UGT8: variants seen among roughly 807,000 people sequenced by gnomAD.
UGT8 encodes the protein 2-hydroxyacylsphingosine 1-beta-galactosyltransferase.
In UGT8, 12 loss-of-function variants were observed where a neutral mutation model predicts 40.5. The observed-to-expected ratio is 0.30, with a 90% CI of 0.19 to 0.48. The LOEUF is 0.48. Among genes scored for constraint, UGT8 ranks in the 20% least tolerant of loss-of-function variants. The probability of loss-of-function intolerance (pLI) is 0.99; values close to 1 mark genes in which losing one functional copy is unlikely to be tolerated. For missense variants in UGT8, 513 were observed against 648.7 expected, an observed-to-expected ratio of 0.79 and a Z score of 2.27; for synonymous variants, 224 against 240.4, an observed-to-expected ratio of 0.93 and a Z score of 0.63.
intron 1 of UGT8, among the ~76,000 whole-genome samples, chr4:114,609,004 A>C (rs1730891094): frequency 6.6e-6 from 1 of 152,272 alleles, no homozygotes; most frequent in Middle Eastern, 3.4e-3. Context: ...TCCTCCTTTG[A>C]TAATTGCTGA....
At chr4:114,662,408 A>T (rs1734596981) in intron 2 of UGT8, among the ~76,000 whole-genome samples, 1 of 152,234 alleles carries the variant, frequency 6.6e-6, no homozygotes, top group African/African-American at 2.4e-5. Flanking sequence ...CAAAATTTGA[A>T]GTACAGTCTC....
chr4:114,655,412 C>T (rs1380778309), intron 2 of UGT8, among the ~76,000 whole-genome samples: 2 of 151,900 alleles, frequency 1.3e-5, no homozygotes, highest in East Asian at 3.9e-4. Context: ...TTATTGGTTA[C>T]AGGGGCTTAT....
chr4:114,660,275 C>T (rs1342724603), intron 2 of UGT8, among the ~76,000 whole-genome samples: 4 of 152,060 alleles, frequency 2.6e-5, no homozygotes. Flanking sequence ...AGGTTCTATT[C>T]TTTAAAATGA....
Position 114,677,338 on chromosome 4 carries a change from G to T in UGT8, c.*1050G>T, listed in dbSNP as rs1004824557. On this transcript the variant is annotated 3_prime_UTR_variant, in exon 6 of 6. Transcript: ENST00000310836. Reference sequence around the variant, plus strand: ...GGGCCATACAATCTATATTACATAGGTGCCAACATTTAATTCTTTTAAATG... The same window carrying T: ...GGGCCATACAATCTATATTACATAGTTGCCAACATTTAATTCTTTTAAATG... 6.6e-6 allele frequency: 1 copy of T among 152,070 alleles called. No individual in the cohort carries two copies. Among genetic ancestry groups the T allele is most frequent in the African/African-American group, 2.4e-5 (1 of 41,382 alleles). 9.4% of individuals were successfully genotyped at this position (152,070 alleles called of 1,614,324 possible).
At chr4:114,636,456 T>G (rs1057441034) in intron 2 of UGT8, among the ~76,000 whole-genome samples, 1 of 152,226 alleles carries the variant, frequency 6.6e-6, no homozygotes, top group Non-Finnish European at 1.5e-5. Flanking sequence ...CAATACCATT[T>G]CTGTTTGAGA....
chr4:114,654,861 A>G (rs981309509), intron 2 of UGT8, among the ~76,000 whole-genome samples: 2 of 152,054 alleles, frequency 1.3e-5, no homozygotes, highest in African/African-American at 4.8e-5. Flanking sequence ...GCACCTCTTG[A>G]TGGGGACTTT....
At chr4:114,608,145 T>G (rs1230388058) in intron 1 of UGT8, among the ~76,000 whole-genome samples, 6 of 152,264 alleles carry the variant, frequency 3.9e-5, no homozygotes, top group Admixed American at 2.6e-4. Context: ...TCCCCCCGCT[T>G]GAGATGTCCT....
At chr4:114,607,269 A>C (rs1000964549) in intron 1 of UGT8, among the ~76,000 whole-genome samples, 1 of 152,178 alleles carries the variant, frequency 6.6e-6, no homozygotes, top group Non-Finnish European at 1.5e-5. Flanking sequence ...CTTGCCTAGA[A>C]CAAGTTTTGG....
chr4:114,651,316 G>A (rs1170487582), intron 2 of UGT8, among the ~76,000 whole-genome samples: 11 of 151,902 alleles, frequency 7.2e-5, no homozygotes, highest in African/African-American at 1.4e-4. Context: ...GACAAGTTAC[G>A]ATTGGCTCTT....
intron 2 of UGT8, among the ~76,000 whole-genome samples, chr4:114,660,550 A>G (rs995234146): frequency 6.6e-6 from 1 of 152,160 alleles, no homozygotes; most frequent in Non-Finnish European, 1.5e-5. Context: ...CTGCCAGTCT[A>G]TTAATTATTT....
Position 114,676,270 on chromosome 4 carries a change from T to A in UGT8, c.1608T>A (p.His536Gln). The change falls in exon 6 of 6, where the codon CAT becomes CAA. Residue 536 changes from histidine (H) to glutamine (Q), a missense_variant. His to Gln is a conservative substitution (Grantham distance 24). Coordinates refer to ENST00000310836, the MANE Select transcript of UGT8 (RefSeq NM_001128174.3). Reference protein sequence around the residue: ...GKYKRNGHIKHEKKVK With the variant: ...GKYKRNGHIKQEKKVK ...ACAAAAGAAATGGCCATATTAAACATGAAAAGAAAGTGAAATGAGCCAACA... is the reference window on the plus strand; with the variant it reads ...ACAAAAGAAATGGCCATATTAAACAAGAAAAGAAAGTGAAATGAGCCAACA... 1 of 1,587,636 alleles carries A rather than the reference T, an allele frequency of 6.3e-7. No individual in the cohort carries two copies. Among genetic ancestry groups the A allele is most frequent in the Non-Finnish European group, 8.6e-7 (1 of 1,167,832 alleles).
At chr4:114,599,371 G>A (rs1730296053) in intron 1 of UGT8, among the ~76,000 whole-genome samples, 1 of 152,168 alleles carries the variant, frequency 6.6e-6, no homozygotes, top group Non-Finnish European at 1.5e-5. Flanking sequence ...GGGCACCGCG[G>A]AGCCCAGAGG....
intron 1 of UGT8, among the ~76,000 whole-genome samples, chr4:114,620,267 C>T (rs1429245592): frequency 1.3e-5 from 2 of 152,168 alleles, no homozygotes; most frequent in Non-Finnish European, 2.9e-5. Flanking sequence ...CAGTTTTCTA[C>T]CATTGTTCCA....
chr4:114,655,424 C>T (rs1300331975), intron 2 of UGT8, among the ~76,000 whole-genome samples: 2 of 151,932 alleles, frequency 1.3e-5, no homozygotes, highest in African/African-American at 4.8e-5. Flanking sequence ...GGGGCTTATT[C>T]TAGGTGGTGG....
chr4:114,621,018 G>C (rs565297055), intron 1 of UGT8, among the ~76,000 whole-genome samples: 1 of 152,206 alleles, frequency 6.6e-6, no homozygotes, highest in South Asian at 2.1e-4. Flanking sequence ...CTATTTGGGG[G>C]TCTAATTTAG....
At chr4:114,660,885 TG>T (rs1407978064) in intron 2 of UGT8, among the ~76,000 whole-genome samples, 1 of 146,514 alleles carries the variant, frequency 6.8e-6, no homozygotes, top group Non-Finnish European at 1.5e-5. Context: ...AGCGAGACTC[TG>T]TCTCAAAAAA....
At chr4:114,605,460 C>G (rs185991887) in intron 1 of UGT8, among the ~76,000 whole-genome samples, 3 of 152,122 alleles carry the variant, frequency 2.0e-5, no homozygotes, top group Non-Finnish European at 2.9e-5. Context: ...AATTTACATT[C>G]GTATCTGATT....
At chr4:114,607,171 C>T (rs946280037) in intron 1 of UGT8, among the ~76,000 whole-genome samples, 3 of 152,264 alleles carry the variant, frequency 2.0e-5, no homozygotes, top group Non-Finnish European at 4.4e-5. Flanking sequence ...TAGCATTTTA[C>T]AGCTCATAAC....
chr4:114,652,396 AT>A (rs33928530), intron 2 of UGT8, among the ~76,000 whole-genome samples: 5,595 of 143,734 alleles, frequency 0.039, 258 homozygotes, highest in African/African-American at 0.12. Flanking sequence ...TCTCATGGGT[AT>A]TTTTTTTTTT....
Sources: gnomAD v4.1 joint callset for allele counts (sites outside exome capture counted in the v4.1 genomes callset) on GRCh38, gnomAD v4.1.1 for gene constraint, MANE v1.5 for transcripts, NCBI Gene and HGNC (gene_info 2026-07-23, HGNC 2026-07-21) for gene names.